The following COL6A5 variants were observed in gnomAD, a reference collection of about 807,000 sequenced individuals.
COL6A5 encodes collagen alpha-5(VI) chain.
In COL6A5, 48 loss-of-function variants were observed where a neutral mutation model predicts 65.6. That is an observed-to-expected ratio of 0.73 (90% CI 0.58 to 0.93). The LOEUF (loss-of-function observed/expected upper bound fraction) is 0.93, where lower values mean the gene tolerates loss of function less well. Ranked by LOEUF, COL6A5 falls within the 40% of genes least tolerant of loss-of-function variation. The pLI is 0.00. For synonymous variants in COL6A5, 291 were observed against 322.8 expected (o/e 0.90, Z 1.05); for missense variants, 914 against 928.3 (o/e 0.98, Z 0.20).
chr3:130,442,438 C>A (rs1709207055), intron 3 of COL6A5, among the ~76,000 whole-genome samples: 1 of 152,090 alleles, frequency 6.6e-6, no homozygotes, highest in Non-Finnish European at 1.5e-5. Flanking sequence ...TTGTAAAAGA[C>A]TATAAAACAA....
intron 10 of COL6A5, among the ~76,000 whole-genome samples, chr3:130,400,133 G>T (rs1936768753): frequency 6.6e-6 from 1 of 152,016 alleles, no homozygotes; most frequent in Non-Finnish European, 1.5e-5. Context: ...ACCTCCCCGG[G>T]TACTCTCTCC....
intron 3 of COL6A5, 104 bp downstream of exon 3, chr3:130,376,940 T>A: frequency 1.5e-6 from 2 of 1,305,784 alleles, no homozygotes; most frequent in Admixed American, 5.6e-5. Context: ...ATTAGCCATG[T>A]TGAAGTATTG....
intron 4 of COL6A5, among the ~76,000 whole-genome samples, chr3:130,451,473 C>T (rs999124547): frequency 6.6e-6 from 1 of 151,918 alleles, no homozygotes; most frequent in Non-Finnish European, 1.5e-5. Flanking sequence ...GTAAAGTGAC[C>T]GGTTGAGGAA....
chr3:130,466,284 C>T (rs1360716077), intron 5 of COL6A5, among the ~76,000 whole-genome samples: 1 of 151,874 alleles, frequency 6.6e-6, no homozygotes, highest in Non-Finnish European at 1.5e-5. Flanking sequence ...CTGACTGAAA[C>T]AGAATTAAAT....
intron 5 of COL6A5, among the ~76,000 whole-genome samples, chr3:130,387,040 G>A (rs986244438): frequency 6.6e-6 from 1 of 152,014 alleles, no homozygotes; most frequent in Admixed American, 6.6e-5. Flanking sequence ...AATAGTCCAG[G>A]TCTAGTAGAG....
chr3:130,348,395 T>C (rs1229374252), intron 1 of COL6A5, among the ~76,000 whole-genome samples: 1 of 152,224 alleles, frequency 6.6e-6, no homozygotes, highest in Non-Finnish European at 1.5e-5. Context: ...GTTCTTGTGT[T>C]AGTTTGCTGA....
chr3:130,432,073 TC>T, intron 1 of COL6A5, 124 bp downstream of exon 33: 1 of 964,864 alleles, frequency 1.0e-6, no homozygotes, highest in Non-Finnish European at 1.5e-6. Flanking sequence ...TTTACAGTTT[TC>T]ACAGCTATAT....
At chr3:130,438,784 A>C (rs1283429681) in intron 1 of COL6A5, among the ~76,000 whole-genome samples, 1 of 152,180 alleles carries the variant, frequency 6.6e-6, no homozygotes, top group Non-Finnish European at 1.5e-5. Context: ...TCTGTTTTGC[A>C]TGGTGCCTCA....
intron 20 of COL6A5, among the ~76,000 whole-genome samples, chr3:130,412,340 A>G (rs13094994): frequency 0.11 from 17,483 of 152,122 alleles, 1,069 homozygotes; most frequent in Middle Eastern, 0.14. Flanking sequence ...AAGAACTACT[A>G]AGTGGCACAG....
rs150336401 is a variant in COL6A5 at position 130,460,417 on chromosome 3, A to G, written c.1544+4751A>G. On this transcript the variant is annotated intron_variant, in intron 5 of 7. Coordinates refer to ENST00000512836, the Ensembl canonical transcript of COL6A5. The stretch of plus-strand genomic sequence containing the variant: ...TCTTCTGTGAAGGTTTCACATGTGA[A>G]CAAGATGAATGTAAACTGGGGGTTC... Among the ~76,000 whole-genome samples the G allele has an allele frequency of 1.7e-3, 257 of 152,218 alleles. 1 individual carries two copies. Among genetic ancestry groups the G allele is most frequent in the African/African-American group, 5.3e-3 (222 of 41,560 alleles).
chr3:130,439,071 A>C (rs1709105040), intron 1 of COL6A5, among the ~76,000 whole-genome samples: 1 of 152,134 alleles, frequency 6.6e-6, no homozygotes, highest in Non-Finnish European at 1.5e-5. Flanking sequence ...ATCACTACCC[A>C]CGGAGGCCAA....
intron 28 of COL6A5, 86 bp from the exon 29 acceptor site, chr3:130,423,752 A>G (rs998643440): frequency 1.0e-5 from 11 of 1,058,238 alleles, no homozygotes; most frequent in Non-Finnish European, 1.5e-5. Flanking sequence ...AATTTTTTTT[A>G]AAATTAGAAA....
chr3:130,475,274 G>A (rs948692590), intron 7 of COL6A5, among the ~76,000 whole-genome samples: 4 of 151,362 alleles, frequency 2.6e-5, no homozygotes, highest in Admixed American at 6.6e-5. Flanking sequence ...AGATATAAAT[G>A]TACAGATTTT....
intron 4 of COL6A5, among the ~76,000 whole-genome samples, chr3:130,454,290 A>G (rs1375214195): frequency 6.6e-6 from 1 of 152,194 alleles, no homozygotes; most frequent in Non-Finnish European, 1.5e-5. Context: ...TGCATGCTGC[A>G]GAAGAACGTC....
chr3:130,465,311 G>T (rs1037347700), intron 5 of COL6A5, among the ~76,000 whole-genome samples: 1 of 152,040 alleles, frequency 6.6e-6, no homozygotes, highest in African/African-American at 2.4e-5. Flanking sequence ...TCTGTGGAGG[G>T]TCTCGCTGGG....
intron 20 of COL6A5, 55 bp from the exon 21 acceptor site, chr3:130,413,490 A>G: frequency 3.3e-6 from 5 of 1,499,556 alleles, no homozygotes; most frequent in Non-Finnish European, 4.5e-6. Flanking sequence ...ATTTGCCTCA[A>G]GGAACCCCTC....
intron 5 of COL6A5, among the ~76,000 whole-genome samples, chr3:130,467,098 C>T (rs1292047509): frequency 6.6e-6 from 1 of 151,904 alleles, no homozygotes; most frequent in Admixed American, 6.6e-5. Context: ...TGACTTACTT[C>T]ATTTTATTAT....
chr3:130,346,859 A>G (rs1169201900), intron 1 of COL6A5, among the ~76,000 whole-genome samples: 1 of 152,220 alleles, frequency 6.6e-6, no homozygotes, highest in Non-Finnish European at 1.5e-5. Flanking sequence ...CTGAACAAAA[A>G]TCCTTAAGAA....
At chr3:130,437,097 C>T (rs568660865) in intron 1 of COL6A5, among the ~76,000 whole-genome samples, 63 of 152,194 alleles carry the variant, frequency 4.1e-4, no homozygotes, top group African/African-American at 1.3e-3. Flanking sequence ...CATTCTTCTA[C>T]TTGCAGTTAT....
Sources: allele counts gnomAD v4.1 joint callset (sites outside exome capture counted in the v4.1 genomes callset), GRCh38; gene constraint gnomAD v4.1.1; transcripts MANE v1.5; gene names NCBI Gene and HGNC (gene_info 2026-07-23, HGNC 2026-07-21).